ERBB4: variants seen among roughly 807,000 people sequenced by gnomAD.
The protein encoded by ERBB4 is erb-b2 receptor tyrosine kinase 4, also known as receptor tyrosine-protein kinase erbB-4.
In ERBB4, 42 loss-of-function variants were observed where a neutral mutation model predicts 158.0. That is an observed-to-expected ratio of 0.27 (90% CI 0.21 to 0.34). The LOEUF (loss-of-function observed/expected upper bound fraction) is 0.34. Ranked by LOEUF, ERBB4 falls within the 10% of genes least tolerant of loss-of-function variation. The pLI is 1.00. For synonymous variants in ERBB4, 583 were observed against 558.7 expected, an observed-to-expected ratio of 1.04 and a Z score of -0.61; for missense variants, 1,333 against 1,624.1, an observed-to-expected ratio of 0.82 and a Z score of 3.08.
At chr2:212,295,437 C>A (rs1299782742) in intron 1 of ERBB4, among the ~76,000 whole-genome samples, 1 of 152,046 alleles carries the variant, frequency 6.6e-6, no homozygotes, top group Non-Finnish European at 1.5e-5. Flanking sequence ...AGAATTTTCA[C>A]TGATTATATT....
chr2:212,384,466 C>A (rs1054240986), intron 1 of ERBB4, among the ~76,000 whole-genome samples: 14 of 151,544 alleles, frequency 9.2e-5, no homozygotes, highest in African/African-American at 2.4e-4. Flanking sequence ...GAGGCAAATT[C>A]TTTTCTACCA....
chr2:212,324,737 T>C (rs1397479105), intron 1 of ERBB4, among the ~76,000 whole-genome samples: 1 of 150,576 alleles, frequency 6.6e-6, no homozygotes, highest in Non-Finnish European at 1.5e-5. Context: ...ACAAATAATG[T>C]TCATATCAGG....
At chr2:211,771,096 C>T (rs2075680129) in intron 4 of ERBB4, among the ~76,000 whole-genome samples, 1 of 152,172 alleles carries the variant, frequency 6.6e-6, no homozygotes, top group South Asian at 2.1e-4. Flanking sequence ...CTACTTACAC[C>T]TCTTCCTAGA....
chr2:212,426,348 C>A (rs1307091997), intron 1 of ERBB4: 1 of 432,872 alleles, frequency 2.3e-6, no homozygotes, highest in Admixed American at 3.4e-5. Flanking sequence ...TCGCACCAAC[C>A]TAATAGTTAT....
Position 212,170,904 on chromosome 2 carries a change from T to C in ERBB4, c.83-46001A>G, listed in dbSNP as rs1424350868. Among the ~76,000 whole-genome samples the C allele has an allele frequency of 2.0e-5, 3 of 152,094 alleles. No homozygotes were observed. In the East Asian group the frequency reaches 5.8e-4, roughly 30 times the overall value. On this transcript the variant is annotated intron_variant, in intron 1 of 27. Coordinates refer to ENST00000342788, the MANE Select transcript of ERBB4 (RefSeq NM_005235.3). ...GGCAGTGTGAAAGGGAAATGTGAAA[T>C]TGGACCCCCTCACAGATTCCCCACC...
intron 1 of ERBB4, among the ~76,000 whole-genome samples, chr2:212,382,751 T>C (rs1008682740): frequency 3.4e-4 from 52 of 151,358 alleles, no homozygotes; most frequent in African/African-American, 1.1e-3. Context: ...AGATGTTTAA[T>C]AGCAGGAAAA....
At chr2:212,137,923 G>T (rs923792826) in intron 1 of ERBB4, among the ~76,000 whole-genome samples, 4 of 152,146 alleles carry the variant, frequency 2.6e-5, no homozygotes, top group Admixed American at 2.6e-4. Context: ...TCTGTCATTC[G>T]TTTATTCGTT....
intron 1 of ERBB4, among the ~76,000 whole-genome samples, chr2:212,191,961 T>TATATTATATATGATGC (rs1559706213): frequency 2.3e-5 from 3 of 130,828 alleles, no homozygotes; most frequent in African/African-American, 6.3e-5. Flanking sequence ...ATATATGTTA[T>TATATTATATATGATGC]ATATGTTATA....
chr2:211,822,099 A>G (rs2077008865), intron 3 of ERBB4, among the ~76,000 whole-genome samples: 6 of 151,916 alleles, frequency 3.9e-5, no homozygotes, highest in Admixed American at 2.6e-4. Context: ...AAAAAATTTG[A>G]TCTCTTAGAA....
At chr2:211,802,028 G>A (rs914178975) in intron 3 of ERBB4, among the ~76,000 whole-genome samples, 1 of 152,176 alleles carries the variant, frequency 6.6e-6, no homozygotes, top group East Asian at 1.9e-4. Context: ...GGGAGGCCGA[G>A]GCGGGCGGAT....
intron 2 of ERBB4, among the ~76,000 whole-genome samples, chr2:212,036,990 A>G (rs1036863110): frequency 6.6e-6 from 1 of 152,156 alleles, no homozygotes; most frequent in African/African-American, 2.4e-5. Context: ...TTTGAGGGCT[A>G]TTTCTAGGCA....
intron 3 of ERBB4, among the ~76,000 whole-genome samples, chr2:211,853,270 A>G (rs987719995): frequency 6.6e-6 from 1 of 152,000 alleles, no homozygotes; most frequent in South Asian, 2.1e-4. Flanking sequence ...CCTATAGTAC[A>G]TCAATGAGTG....
chr2:211,408,888 G>A (rs1177629690), intron 25 of ERBB4, among the ~76,000 whole-genome samples: 1 of 152,166 alleles, frequency 6.6e-6, no homozygotes, highest in Non-Finnish European at 1.5e-5. Context: ...TTATTTTTGT[G>A]AATGTCACAA....
chr2:211,867,024 C>CAAAAAAAA lies in ERBB4; in HGVS notation c.422-78873_422-78866dup, dbSNP rs386392490. 3.3e-3 allele frequency among the ~76,000 whole-genome samples: 201 copies of CAAAAAAAA among 60,648 alleles called. 21 individuals carry two copies. Among genetic ancestry groups the CAAAAAAAA allele is most frequent in the East Asian group, 7.5e-3 (12 of 1,590 alleles). 39.8% of individuals were successfully genotyped at this position (60,648 alleles called of 152,430 possible). A position where few individuals can be genotyped will look rare whatever the true frequency, so the allele number is the denominator to read the frequency against. ...TATTAAACTCTCCATTCCTTAAAAC[C>CAAAAAAAA]AAAAAAAAAAAAAAAAAAAAAAAAA... On this transcript the variant is annotated intron_variant, in intron 3 of 27. Transcript: ENST00000342788.
Position 211,944,189 on chromosome 2 carries a change from A to AGTG in ERBB4, c.421+3240_421+3241insCAC, listed in dbSNP as rs754185285. 6.4e-4 allele frequency among the ~76,000 whole-genome samples: 33 copies of AGTG among 51,720 alleles called. 1 individual carries two copies. The highest frequency in any genetic ancestry group is 1.1e-3 in the South Asian group (3 of 2,628). 33.9% of individuals were successfully genotyped at this position (51,720 alleles called of 152,430 possible). ...CTATATATATATACTATATATATATATATATATATACTATATATATATATA... is the reference window on the plus strand; with the variant it reads ...CTATATATATATACTATATATATATAGTGTATATATATACTATATATATATATA... On this transcript the variant is annotated intron_variant, in intron 3 of 27. Transcript: ENST00000342788.
rs546573247 is a variant in ERBB4, at chr2:212,019,848, G to A, written c.235-72232C>T. Among the ~76,000 whole-genome samples, 5 of 151,572 alleles carry A rather than the reference G, an allele frequency of 3.3e-5. No individual in the cohort carries two copies. In the South Asian group the frequency reaches 1.0e-3, roughly 32 times the overall value. ...GGGAGGGAGGAAGGGATAAGATGGG[G>A]TCAAGGATAAATCTCTTATTTTGAA... On this transcript the variant is annotated intron_variant, in intron 2 of 27. Transcript: ENST00000342788.
Position 212,124,911 on chromosome 2 carries a change from G to C in ERBB4, c.83-8C>G. On this transcript the variant is annotated splice_region_variant and splice_polypyrimidine_tract_variant and intron_variant, in intron 1 of 27. Coordinates refer to ENST00000342788, the MANE Select transcript of ERBB4 (RefSeq NM_005235.3). ...TCTCCGTTCCTGCACACACTGCAAA[G>C]ACAAGAAGATACACGTGAAATTACA... 1.2e-6 allele frequency: 2 copies of C among 1,614,090 alleles called. No individual in the cohort carries two copies. Among genetic ancestry groups the C allele is most frequent in the Non-Finnish European group, 1.7e-6 (2 of 1,179,954 alleles).
intron 1 of ERBB4, among the ~76,000 whole-genome samples, chr2:212,461,780 G>C (rs951644140): frequency 1.2e-4 from 19 of 152,246 alleles, no homozygotes; most frequent in Middle Eastern, 3.4e-3. Flanking sequence ...GTTGTGGGAG[G>C]GACCTGGTGG....
intron 2 of ERBB4, among the ~76,000 whole-genome samples, chr2:212,012,439 C>G (rs1347860332): frequency 7.8e-6 from 1 of 128,278 alleles, no homozygotes; most frequent in Admixed American, 8.2e-5. Flanking sequence ...TTTTTTTTGA[C>G]GGAGTCTCAT....
Sources: gnomAD v4.1 joint callset for allele counts (sites outside exome capture counted in the v4.1 genomes callset) on GRCh38, gnomAD v4.1.1 for gene constraint, MANE v1.5 for transcripts, NCBI Gene and HGNC (gene_info 2026-07-23, HGNC 2026-07-21) for gene names.